The following TPM4 variants were observed in gnomAD, a reference collection of about 807,000 sequenced individuals.
TPM4 encodes the protein tropomyosin 4, also known as tropomyosin alpha-4 chain.
A neutral mutation model predicts 35.8 loss-of-function variants in TPM4; 17 were observed. That is an observed-to-expected ratio of 0.47 (90% CI 0.32 to 0.71). The LOEUF (loss-of-function observed/expected upper bound fraction) is 0.71, where lower values mean the gene tolerates loss of function less well. Among genes scored for constraint, TPM4 ranks in the 30% least tolerant of loss-of-function variants. The pLI is 0.03. For synonymous variants in TPM4, 120 were observed against 122.9 expected (o/e 0.98, Z 0.15); for missense variants, 240 against 320.9 (o/e 0.75, Z 1.93).
intron 6 of TPM4, 25 bp from the exon 7 acceptor site, chr19:16,093,659 T>C: frequency 6.2e-7 from 1 of 1,614,226 alleles, no homozygotes; most frequent in Non-Finnish European, 8.5e-7. Flanking sequence ...GAAGCCATGA[T>C]AGTAACTCCT....
At chr19:16,088,609 C>T (rs1275933754) in intron 4 of TPM4, 40 of 1,037,610 alleles carry the variant, frequency 3.9e-5, no homozygotes, top group Non-Finnish European at 4.4e-5. Flanking sequence ...ACAGAGCATC[C>T]GGGAGTGCTG....
At chr19:16,076,229 G>A (rs1012862835), upstream of TPM4, 3 of 1,547,356 alleles carry the variant, frequency 1.9e-6, no homozygotes, top group East Asian at 4.9e-5. Context: ...CCCCGGGGCC[G>A]GGAAGGCGGG....
chr19:16,099,796 T>C (rs2090743530), intron 7 of TPM4: 2 of 152,144 alleles, frequency 1.3e-5, no homozygotes, highest in Admixed American at 1.3e-4. Context: ...GTCTTTTTTC[T>C]CTCTCTCTTT....
upstream of TPM4, among the ~76,000 whole-genome samples, chr19:16,071,815 GCCCACTC>G (rs1462710409): frequency 8.0e-4 from 122 of 152,244 alleles, 2 homozygotes; most frequent in Admixed American, 4.8e-3. Flanking sequence ...GCCGCTTCCT[GCCCACTC>G]CCCTCCCAGG....
intron 2 of TPM4, among the ~76,000 whole-genome samples, chr19:16,085,932 G>A (rs963734055): frequency 6.6e-6 from 1 of 151,964 alleles, no homozygotes; most frequent in African/African-American, 2.4e-5. Flanking sequence ...AGCCGGTCAC[G>A]GTGGTGCATG....
chr19:16,072,220 A>C (rs1190663528), upstream of TPM4, among the ~76,000 whole-genome samples: 1 of 152,216 alleles, frequency 6.6e-6, no homozygotes, highest in East Asian at 1.9e-4. Flanking sequence ...GCTGGGGCCC[A>C]TAGTGGCCTC....
chr19:16,076,475 TG>T (rs994326474), upstream of TPM4: 6 of 1,332,866 alleles, frequency 4.5e-6, no homozygotes, highest in Admixed American at 4.2e-5. Flanking sequence ...GGCAAAGGCT[TG>T]GGGGGCCGGG....
chr19:16,101,206 T>G lies in TPM4; in HGVS notation c.665-58T>G, dbSNP rs2090759997. On this transcript the variant is annotated intron_variant, in intron 7 of 7. Transcript: ENST00000643579. ...AAAAAAAACAAATCTTTTTTTTTCT[T>G]TCATTTAACAAAGACGCTTATTAAT... The G allele has an allele frequency of 2.9e-6, 4 of 1,357,770 alleles. No homozygotes were observed. The South Asian group carries it at 5.4e-5, about 18-fold the overall frequency. 84.1% of individuals were successfully genotyped at this position (1,357,770 alleles called of 1,614,324 possible). A position where few individuals can be genotyped will look rare whatever the true frequency, so the allele number is the denominator to read the frequency against.
chr19:16,095,636 A>T (rs2090687268), intron 7 of TPM4: 1 of 998,034 alleles, frequency 1.0e-6, no homozygotes, highest in Non-Finnish European at 1.2e-6. Flanking sequence ...AGCTTATTAC[A>T]AAAAGAAAAT....
upstream of TPM4, chr19:16,075,707 A>T (rs184537459): frequency 4.5e-6 from 1 of 220,688 alleles, no homozygotes; most frequent in East Asian, 1.3e-4. Flanking sequence ...ACTCCAGATC[A>T]TGGTGAGGCT....
upstream of TPM4, chr19:16,076,248 C>G (rs1568299494): frequency 1.3e-6 from 2 of 1,543,320 alleles, no homozygotes; most frequent in African/African-American, 2.8e-5. Flanking sequence ...GGGAGAGCCG[C>G]AGGGGGAGGA....
At chr19:16,096,936 C>CTTTTTT (rs71178641) in intron 7 of TPM4, among the ~76,000 whole-genome samples, 1,951 of 69,002 alleles carry the variant, frequency 0.028, 473 homozygotes, top group Non-Finnish European at 0.039. Context: ...CAAGGTCACT[C>CTTTTTT]TTTTTTTTTT....
At position 16,067,955 on chromosome 19, in the gene TPM4, C is replaced by A. The variant is rs1358024617; in HGVS notation, c.114+217C>A. 1 of 508,448 alleles carries A rather than the reference C, an allele frequency of 2.0e-6. No individual in the cohort carries two copies. 31.5% of individuals were successfully genotyped at this position (508,448 alleles called of 1,614,324 possible). A position where few individuals can be genotyped will look rare whatever the true frequency, so the allele number is the denominator to read the frequency against. Reference sequence around the variant, plus strand: ...GGACCCACCCCCAGCAGGGCCAGTGCGAACAAAGTGAGTTTGACAGAGAGA... The same window carrying A: ...GGACCCACCCCCAGCAGGGCCAGTGAGAACAAAGTGAGTTTGACAGAGAGA... On this transcript the variant is annotated intron_variant, in intron 2 of 2. Transcript: ENST00000589897. The surrounding 1 kb of genome is among the most constrained non-coding windows in gnomAD (Gnocchi z 4.1).
At chr19:16,092,139 C>G (rs1243491501) in intron 5 of TPM4, among the ~76,000 whole-genome samples, 1 of 151,102 alleles carries the variant, frequency 6.6e-6, no homozygotes, top group African/African-American at 2.4e-5. Context: ...GATCGTACCA[C>G]TGCACTCCAG....
At chr19:16,077,613 A>T (rs1360943449) in intron 1 of TPM4, among the ~76,000 whole-genome samples, 1 of 152,184 alleles carries the variant, frequency 6.6e-6, no homozygotes, top group Non-Finnish European at 1.5e-5. Context: ...CACAGGCTTC[A>T]TGACTTGGTA....
chr19:16,069,330 T>A (rs1484090757), intron 2 of TPM4, among the ~76,000 whole-genome samples: 1 of 152,146 alleles, frequency 6.6e-6, no homozygotes, highest in Non-Finnish European at 1.5e-5. Context: ...TGATGGGGTG[T>A]GTGTATGGTT....
chr19:16,087,185 G>A (rs2090566321), intron 3 of TPM4, among the ~76,000 whole-genome samples: 1 of 152,154 alleles, frequency 6.6e-6, no homozygotes, highest in South Asian at 2.1e-4. Flanking sequence ...GGGAGGCTGA[G>A]GCAGGAGGAT....
intron 4 of TPM4, chr19:16,088,839 G>T: frequency 7.4e-7 from 1 of 1,357,486 alleles, no homozygotes; most frequent in South Asian, 1.6e-5. Context: ...GGCGCACCTC[G>T]CCTCTGCCTG....
intron 7 of TPM4, among the ~76,000 whole-genome samples, chr19:16,098,180 C>T (rs1404384350): frequency 4.6e-5 from 7 of 152,198 alleles, no homozygotes; most frequent in Admixed American, 2.0e-4. Flanking sequence ...CGGTGGCTCA[C>T]GCCTGTAATC....
Sources: gnomAD v4.1 joint callset for allele counts (sites outside exome capture counted in the v4.1 genomes callset) on GRCh38, gnomAD v4.1.1 for gene constraint, Gnocchi (gnomAD v3.1) non-coding constraint, MANE v1.5 for transcripts, NCBI Gene and HGNC (gene_info 2026-07-23, HGNC 2026-07-21) for gene names.